The following BMP6 variants were observed in gnomAD, a reference collection of about 807,000 sequenced individuals.
BMP6 encodes the protein VG-1-R.
A neutral mutation model predicts 54.1 loss-of-function variants in BMP6; 17 were observed. The ratio of observed to expected loss-of-function variants is 0.31; its 90% CI spans 0.22 to 0.47. The LOEUF is 0.47. Among genes scored for constraint, BMP6 ranks in the 20% least tolerant of loss-of-function variants. BMP6 has a pLI of 1.00. For missense variants in BMP6, 720 were observed against 690.4 expected (o/e 1.04, Z -0.48); for synonymous variants, 328 against 291.2 (o/e 1.13, Z -1.28).
chr6:7,851,325 G>C (rs267198), intron 2 of BMP6, among the ~76,000 whole-genome samples: 1 of 151,822 alleles, frequency 6.6e-6, no homozygotes, highest in African/African-American at 2.4e-5. Flanking sequence ...ATTTTTATTA[G>C]ATTAATTTTA....
chr6:7,798,029 AT>A (rs1758216287), intron 1 of BMP6, among the ~76,000 whole-genome samples: 1 of 151,910 alleles, frequency 6.6e-6, no homozygotes, highest in Non-Finnish European at 1.5e-5. Flanking sequence ...TGTGCCTGTC[AT>A]TCTTTCCCTT....
At chr6:7,826,086 C>T (rs1186872850) in intron 1 of BMP6, among the ~76,000 whole-genome samples, 1 of 152,212 alleles carries the variant, frequency 6.6e-6, no homozygotes, top group Non-Finnish European at 1.5e-5. Context: ...TGAGTTGAGA[C>T]CACGGTCCCC....
At chr6:7,777,510 A>G (rs1484562506) in intron 1 of BMP6, among the ~76,000 whole-genome samples, 1 of 152,174 alleles carries the variant, frequency 6.6e-6, no homozygotes, top group Non-Finnish European at 1.5e-5. Context: ...AATCGAAGAT[A>G]CAGAGGAAAT....
chr6:7,727,671 C>A (rs1291452647), intron 1 of BMP6, 52 bp downstream of exon 1: 1 of 1,453,914 alleles, frequency 6.9e-7, no homozygotes, highest in South Asian at 1.5e-5. Flanking sequence ...TTTTCAGTGT[C>A]CCGGGCCCAG....
chr6:7,847,212 T>C (rs1759079582), intron 2 of BMP6, among the ~76,000 whole-genome samples: 1 of 152,172 alleles, frequency 6.6e-6, no homozygotes, highest in Non-Finnish European at 1.5e-5. Flanking sequence ...AGCGGAGAGT[T>C]GTAGTTTCTT....
chr6:7,737,676 G>T (rs557699306), intron 1 of BMP6, among the ~76,000 whole-genome samples: 3 of 151,648 alleles, frequency 2.0e-5, no homozygotes, highest in South Asian at 2.1e-4. Flanking sequence ...AATAAAATTG[G>T]CAACTCCATT....
At chr6:7,870,884 C>G (rs1016216477) in intron 4 of BMP6, among the ~76,000 whole-genome samples, 5 of 152,248 alleles carry the variant, frequency 3.3e-5, no homozygotes, top group African/African-American at 1.2e-4. Context: ...CTGCCTCAGC[C>G]TCCCAAAGTG....
At chr6:7,809,970 C>G (rs1758412520) in intron 1 of BMP6, among the ~76,000 whole-genome samples, 1 of 151,992 alleles carries the variant, frequency 6.6e-6, no homozygotes, top group Non-Finnish European at 1.5e-5. Flanking sequence ...ATTCACTGAG[C>G]AAATATTCAT....
intron 1 of BMP6, among the ~76,000 whole-genome samples, chr6:7,809,959 T>G (rs375338697): frequency 2.6e-5 from 4 of 152,342 alleles, no homozygotes; most frequent in African/African-American, 9.6e-5. Flanking sequence ...CTTATATATT[T>G]ATTCACTGAG....
chr6:7,867,266 C>T (rs1332388246), intron 4 of BMP6, among the ~76,000 whole-genome samples: 1 of 152,184 alleles, frequency 6.6e-6, no homozygotes, highest in Non-Finnish European at 1.5e-5. Flanking sequence ...CTAGTACATT[C>T]AGGGATACTC....
Position 7,727,227 on chromosome 6 carries a change from A to C in BMP6, c.272A>C (p.His91Pro), listed in dbSNP as rs1187362002. Residue 91 changes from histidine (H) to proline (P), a missense_variant, in exon 1 of 7, where the codon CAC becomes CCC. By Grantham distance (77) the His-to-Pro change is moderately conservative (BLOSUM62 -2). Around this residue, in one of 3 missense-constraint regions of BMP6, gnomAD observed 650 missense variants for 556.3 expected, o/e 1.17. Coordinates refer to ENST00000283147, the MANE Select transcript of BMP6 (RefSeq NM_001718.6). Reference protein sequence around the residue: ...KEILSVLGLPHRPRPLHGLQQ... With the variant: ...KEILSVLGLPPRPRPLHGLQQ... ...ATCTTGTCGGTGCTGGGGCTCCCGC[A>C]CCGGCCCCGGCCCCTGCACGGCCTC... The C allele has an allele frequency of 4.4e-6, 7 of 1,605,686 alleles. No individual in the cohort carries two copies. Among genetic ancestry groups the C allele is most frequent in the South Asian group, 2.2e-5 (2 of 90,514 alleles).
chr6:7,830,448 T>G (rs1283838333), intron 1 of BMP6, among the ~76,000 whole-genome samples: 1 of 152,098 alleles, frequency 6.6e-6, no homozygotes, highest in Non-Finnish European at 1.5e-5. Context: ...AGCCTTGGGG[T>G]GAGGGTGTTT....
intron 1 of BMP6, among the ~76,000 whole-genome samples, chr6:7,732,054 TAAG>T (rs944866883): frequency 7.9e-5 from 12 of 152,128 alleles, no homozygotes; most frequent in African/African-American, 1.4e-4. Flanking sequence ...GAAACATAAA[TAAG>T]AAGAAAAATG....
intron 1 of BMP6, among the ~76,000 whole-genome samples, chr6:7,816,816 CTA>C (rs1487571699): frequency 6.6e-5 from 10 of 152,002 alleles, no homozygotes; most frequent in Admixed American, 3.3e-4. Context: ...AAAAAAAACA[CTA>C]TGACATTAGG....
At chr6:7,762,728 G>A (rs1310698900) in intron 1 of BMP6, among the ~76,000 whole-genome samples, 1 of 152,204 alleles carries the variant, frequency 6.6e-6, no homozygotes, top group East Asian at 1.9e-4. Flanking sequence ...ATGTCTGAGT[G>A]TGTGTCCACG....
chr6:7,783,025 G>A (rs917239780), intron 1 of BMP6, among the ~76,000 whole-genome samples: 2 of 152,174 alleles, frequency 1.3e-5, no homozygotes, highest in African/African-American at 4.8e-5. Context: ...AGTCAAATAG[G>A]AAAGGGTCAG....
intron 1 of BMP6, among the ~76,000 whole-genome samples, chr6:7,727,829 G>A (rs1163320311): frequency 6.6e-6 from 1 of 151,420 alleles, no homozygotes; most frequent in Non-Finnish European, 1.5e-5. Flanking sequence ...AGGGCTGCGC[G>A]CCGAGGCCCC....
intron 1 of BMP6, among the ~76,000 whole-genome samples, chr6:7,749,800 A>G (rs993377430): frequency 1.3e-5 from 2 of 152,234 alleles, no homozygotes; most frequent in African/African-American, 4.8e-5. Context: ...AGTATGGTTC[A>G]TGGATAATGA....
At chr6:7,879,934 C>T (rs1759686162) in intron 5 of BMP6, 57 bp from the exon 6 acceptor site, 2 of 1,529,078 alleles carry the variant, frequency 1.3e-6, no homozygotes, top group East Asian at 2.2e-5. Flanking sequence ...CTGAAAAGCA[C>T]AAATAGTGTG....
Sources: allele counts gnomAD v4.1 joint callset (sites outside exome capture counted in the v4.1 genomes callset), GRCh38; gene constraint gnomAD v4.1.1; regional missense constraint gnomAD v4.1.1; transcripts MANE v1.5; gene names NCBI Gene and HGNC (gene_info 2026-07-23, HGNC 2026-07-21).